DIXDC1: variants seen among roughly 807,000 people sequenced by gnomAD.
DIXDC1 encodes the protein DIX domain containing 1.
In DIXDC1, 64 loss-of-function variants were observed where a neutral mutation model predicts 103.1. The ratio of observed to expected loss-of-function variants is 0.62; its 90% CI spans 0.51 to 0.76. The LOEUF is 0.76. DIXDC1 is among the 30% of genes least tolerant of loss of function. DIXDC1 has a pLI of 0.00. For missense variants in DIXDC1, 759 were observed against 834.2 expected (o/e 0.91, Z 1.11); for synonymous variants, 266 against 298.5 (o/e 0.89, Z 1.12).
At chr11:112,005,996 A>G (rs1280020661) in intron 17 of DIXDC1, among the ~76,000 whole-genome samples, 2 of 152,202 alleles carry the variant, frequency 1.3e-5, no homozygotes, top group African/African-American at 2.4e-5. Context: ...CTCACCCAGG[A>G]AGCGCAAGGC....
At chr11:111,989,827 T>C (rs1363168569) in intron 10 of DIXDC1, among the ~76,000 whole-genome samples, 39 of 150,966 alleles carry the variant, frequency 2.6e-4, no homozygotes, top group Middle Eastern at 6.8e-3. Flanking sequence ...CTCGCTCTGT[T>C]GCCCAGGCTG....
In DIXDC1 at chr11:111,978,907, A is replaced by G. The variant is rs960909477; in HGVS notation, c.657-1830A>G. On this transcript the variant is annotated intron_variant, in intron 5 of 19. Transcript: ENST00000440460. ...CAAATCTATTCTCCTTGTGAATGACATAGTACACTTGGATGAGAGCTTTTC... is the reference window on the plus strand; with the variant it reads ...CAAATCTATTCTCCTTGTGAATGACGTAGTACACTTGGATGAGAGCTTTTC... 3.3e-5 allele frequency among the ~76,000 whole-genome samples: 5 copies of G among 152,228 alleles called. No homozygotes were observed. The South Asian group carries it at 8.3e-4, about 25-fold the overall frequency.
intron 1 of DIXDC1, among the ~76,000 whole-genome samples, chr11:111,957,402 C>T (rs1195320745): frequency 6.6e-6 from 1 of 152,092 alleles, no homozygotes; most frequent in African/African-American, 2.4e-5. Flanking sequence ...CATCTTCCCA[C>T]AAATACTAAT....
intron 1 of DIXDC1, among the ~76,000 whole-genome samples, chr11:111,938,007 A>G (rs1240855678): frequency 2.6e-5 from 4 of 152,232 alleles, no homozygotes; most frequent in African/African-American, 9.6e-5. Context: ...AGGGGACTGT[A>G]GATGGTCCAT....
chr11:111,935,443 C>T (rs1212236571), upstream of DIXDC1, among the ~76,000 whole-genome samples: 1 of 152,210 alleles, frequency 6.6e-6, no homozygotes, highest in Non-Finnish European at 1.5e-5. Context: ...TGACCTCTGG[C>T]ATAGATAACT....
In DIXDC1 at chr11:111,982,366, A is replaced by G. The variant is rs1249078691; in HGVS notation, c.797A>G (p.Asp266Gly). 3 of 1,613,800 alleles carry G rather than the reference A, an allele frequency of 1.9e-6. No individual in the cohort carries two copies. The highest frequency in any genetic ancestry group is 3.3e-5 in the Admixed American group (2 of 59,976). Residue 266 changes from aspartate (D) to glycine (G), a missense_variant, in exon 7 of 20, where the codon GAC becomes GGC. Physicochemically the swap from Asp to Gly is moderately conservative, Grantham distance 94. Around this residue, in one of 3 missense-constraint regions of DIXDC1, gnomAD observed 657 missense variants for 727.5 expected, o/e 0.90. Coordinates refer to ENST00000440460, the MANE Select transcript of DIXDC1 (RefSeq NM_001037954.4). ...TEGTDSPLSR[D>G]WRPGSPGTYL... ...GGGACAGATTCTCCATTATCTCGAG[A>G]CTGGCGGCCAGGGAGCCCTGGAACC...
At chr11:111,970,945 CCTGT>C (rs1289991115) in intron 3 of DIXDC1, among the ~76,000 whole-genome samples, 2 of 152,084 alleles carry the variant, frequency 1.3e-5, no homozygotes, top group East Asian at 3.8e-4. Flanking sequence ...AAACTAGATC[CCTGT>C]CTATCACCTT....
rs2137540847 is a variant in DIXDC1, at chr11:111,977,331, G to C, written c.656+2348G>C. ...GGGATCCGGAAGGTGGCACGGAGTGGGATCGCCGCTGGGGACTCGAGGCGC... is the reference window on the plus strand; with the variant it reads ...GGGATCCGGAAGGTGGCACGGAGTGCGATCGCCGCTGGGGACTCGAGGCGC... On this transcript the variant is annotated intron_variant, in intron 5 of 19. Coordinates refer to ENST00000440460, the MANE Select transcript of DIXDC1 (RefSeq NM_001037954.4). The surrounding 1 kb of genome is among the most constrained non-coding windows in gnomAD (Gnocchi z 6.1). 2 of 1,057,970 alleles carry C rather than the reference G, an allele frequency of 1.9e-6. No individual in the cohort carries two copies. The highest frequency in any genetic ancestry group is 1.1e-4 in the East Asian group (1 of 9,296). 65.5% of individuals were successfully genotyped at this position (1,057,970 alleles called of 1,614,324 possible).
chr11:111,934,344 T>C (rs370853114), upstream of DIXDC1, among the ~76,000 whole-genome samples: 90 of 152,352 alleles, frequency 5.9e-4, 1 homozygote, highest in African/African-American at 2.1e-3. Context: ...TCTGCCATTA[T>C]TGTCAAAATA....
chr11:111,991,677 A>G (rs2137577087), intron 10 of DIXDC1, among the ~76,000 whole-genome samples: 1 of 152,348 alleles, frequency 6.6e-6, no homozygotes, highest in East Asian at 1.9e-4. Flanking sequence ...ATAGGAACCA[A>G]GAGGGTTCAA....
intron 10 of DIXDC1, among the ~76,000 whole-genome samples, chr11:111,991,298 G>C (rs192468103): frequency 1.2e-3 from 184 of 152,340 alleles, no homozygotes; most frequent in African/African-American, 4.2e-3. Flanking sequence ...GTCATAAAGA[G>C]GTTGGCCTAA....
chr11:111,942,652 A>C (rs1447408519), intron 1 of DIXDC1, among the ~76,000 whole-genome samples: 1 of 152,256 alleles, frequency 6.6e-6, no homozygotes, highest in African/African-American at 2.4e-5. Flanking sequence ...GTGAAGGAGC[A>C]GAGAGTGTTT....
At chr11:111,937,716 TG>T (rs2137435022) in intron 1 of DIXDC1, among the ~76,000 whole-genome samples, 157 bp downstream of exon 1, 1 of 152,304 alleles carries the variant, frequency 6.6e-6, no homozygotes, top group Non-Finnish European at 1.5e-5. Context: ...ACGGTGCAGA[TG>T]GGTGAACCAG....
At chr11:111,952,185 C>T (rs1966837628) in intron 1 of DIXDC1, among the ~76,000 whole-genome samples, 2 of 152,062 alleles carry the variant, frequency 1.3e-5, no homozygotes, top group South Asian at 4.1e-4. Flanking sequence ...TTTTTCTTCC[C>T]AGTCTCGGGT....
chr11:111,977,439 C>G lies in DIXDC1; in HGVS notation c.656+2456C>G. ...AGGGGGGATGCCCGGCACCGTGCGT[C>G]CGCGGAGGCCAAGATGCAGCGGCCA... is the stretch of plus-strand genomic sequence containing the variant. On this transcript the variant is annotated intron_variant, in intron 5 of 19. Coordinates refer to ENST00000440460, the MANE Select transcript of DIXDC1 (RefSeq NM_001037954.4). The surrounding 1 kb of genome is among the most constrained non-coding windows in gnomAD (Gnocchi z 6.1). 1 of 1,225,656 alleles carries G rather than the reference C, an allele frequency of 8.2e-7. No individual in the cohort carries two copies. The highest frequency in any genetic ancestry group is 1.6e-5 in the African/African-American group (1 of 61,862). The allele number at this position is 1,225,656 out of a possible 1,614,324, so 75.9% of individuals were successfully genotyped here.
At chr11:111,983,045 G>A (rs781957800) in intron 7 of DIXDC1, among the ~76,000 whole-genome samples, 3 of 152,158 alleles carry the variant, frequency 2.0e-5, no homozygotes, top group Non-Finnish European at 2.9e-5. Context: ...GTGCCAGCTC[G>A]GCAAATCTAC....
intron 1 of DIXDC1, among the ~76,000 whole-genome samples, chr11:111,957,412 T>A (rs587678507): frequency 6.6e-6 from 1 of 152,314 alleles, no homozygotes; most frequent in East Asian, 1.9e-4. Flanking sequence ...CAAATACTAA[T>A]TCATTACAAA....
In DIXDC1 at chr11:111,977,220, T is replaced by G. The variant is rs2137540550; in HGVS notation, c.656+2237T>G. The G allele has an allele frequency of 3.2e-6, 3 of 939,484 alleles. No individual in the cohort carries two copies. The highest frequency in any genetic ancestry group is 1.8e-5 in the African/African-American group (1 of 55,204). 58.2% of individuals were successfully genotyped at this position (939,484 alleles called of 1,614,324 possible). ...CTCAACCTCCGTCCAGAGCGGTCGG[T>G]TGGCCAGCGGAGCTGGCTTGGGTCG... On this transcript the variant is annotated intron_variant, in intron 5 of 19. Transcript: ENST00000440460. This position sits in a 1 kb window ranked among gnomAD's most constrained non-coding sequence, Gnocchi z 6.1.
intron 2 of DIXDC1, 87 bp downstream of exon 2, chr11:111,964,765 T>C: frequency 7.0e-7 from 1 of 1,438,524 alleles, no homozygotes; most frequent in South Asian, 1.5e-5. Flanking sequence ...GAGCAGGTTA[T>C]TTTTTCTTTA....
Sources: gnomAD v4.1 joint callset for allele counts (sites outside exome capture counted in the v4.1 genomes callset) on GRCh38, gnomAD v4.1.1 for gene constraint, gnomAD v4.1.1 regional missense constraint, Gnocchi (gnomAD v3.1) non-coding constraint, MANE v1.5 for transcripts, NCBI Gene and HGNC (gene_info 2026-07-23, HGNC 2026-07-21) for gene names.